MRRF: variants seen among roughly 807,000 people sequenced by gnomAD.
MRRF encodes the protein mitochondrial ribosome recycling factor, also known as ribosome-recycling factor, mitochondrial.
A neutral mutation model predicts 25.1 loss-of-function variants in MRRF; 18 were observed. The observed-to-expected ratio is 0.72, with a 90% CI of 0.50 to 1.06. The LOEUF (loss-of-function observed/expected upper bound fraction) is 1.06. Ranked by LOEUF, MRRF falls within the 50% of genes least tolerant of loss-of-function variation. The pLI, the probability that MRRF is intolerant of heterozygous loss-of-function variation, is 0.00. For missense variants in MRRF, 323 were observed against 319.3 expected, an observed-to-expected ratio of 1.01 and a Z score of -0.09; for synonymous variants, 113 against 112.1, an observed-to-expected ratio of 1.01 and a Z score of -0.05.
chr9:122,304,490 G>A (rs1441185053), intron 5 of MRRF, among the ~76,000 whole-genome samples: 3 of 152,174 alleles, frequency 2.0e-5, no homozygotes, highest in Non-Finnish European at 4.4e-5. Context: ...AGAATCGAAA[G>A]CGTAGGATAG....
intron 1 of MRRF, chr9:122,265,340 C>G (rs1168079171): frequency 5.4e-6 from 1 of 184,884 alleles, no homozygotes; most frequent in African/African-American, 2.4e-5. Context: ...GGCTATCCGA[C>G]TCCTAAGCCT....
intron 3 of MRRF, among the ~76,000 whole-genome samples, chr9:122,283,071 A>C (rs534629455): frequency 4.0e-5 from 6 of 151,168 alleles, no homozygotes; most frequent in African/African-American, 1.5e-4. Context: ...ATTCATAAAA[A>C]CCCCATGAAA....
intron 6 of MRRF, among the ~76,000 whole-genome samples, chr9:122,319,132 CTTCT>C (rs1162757548): frequency 2.7e-4 from 40 of 148,534 alleles, no homozygotes; most frequent in Non-Finnish European, 4.6e-4. Context: ...CACCACTGAA[CTTCT>C]TTCTTTCTTT....
chr9:122,319,997 C>T (rs1835787355), intron 6 of MRRF, among the ~76,000 whole-genome samples: 1 of 150,950 alleles, frequency 6.6e-6, no homozygotes, highest in South Asian at 2.1e-4. Flanking sequence ...ATCTCAGCTT[C>T]CTGAGTAGCC....
intron 5 of MRRF, among the ~76,000 whole-genome samples, chr9:122,306,614 A>G (rs540510452): frequency 9.8e-5 from 15 of 152,294 alleles, no homozygotes; most frequent in Non-Finnish European, 2.1e-4. Context: ...CAGGTACTCA[A>G]CTTGTAAGTG....
At chr9:122,322,447 T>C (rs1564519246) in intron 6 of MRRF, 93 bp from the exon 7 acceptor site, 6 of 1,133,672 alleles carry the variant, frequency 5.3e-6, no homozygotes, top group Non-Finnish European at 7.9e-6. Flanking sequence ...CTATTATTAT[T>C]TCTCACATAA....
At chr9:122,303,093 ACT>A (rs1282209086) in intron 5 of MRRF, among the ~76,000 whole-genome samples, 2 of 152,022 alleles carry the variant, frequency 1.3e-5, no homozygotes, top group Non-Finnish European at 2.9e-5. Context: ...TGGATATTAG[ACT>A]CTTATCAGAT....
At chr9:122,308,149 C>T (rs952793196) in intron 5 of MRRF, among the ~76,000 whole-genome samples, 38 of 152,240 alleles carry the variant, frequency 2.5e-4, no homozygotes, top group Admixed American at 1.0e-3. Context: ...AGCCAAAACC[C>T]CTGCCTTGTG....
In MRRF at chr9:122,285,223, A is replaced by G; in HGVS notation, c.395A>G (p.Gln132Arg). ...VTADGKLALN[Q>R]ISQISMKSPQ... Reference sequence around the variant, plus strand: ...GCTGACGGGAAGCTTGCTTTAAACCAGATTAGCCAGATCTCCATGAAGTCG... The same window carrying G: ...GCTGACGGGAAGCTTGCTTTAAACCGGATTAGCCAGATCTCCATGAAGTCG... Residue 132 changes from glutamine (Q) to arginine (R), a missense_variant, in exon 4 of 7, where the codon CAG (glutamine) becomes CGG (arginine). By Grantham distance (43) the Gln-to-Arg change is conservative (BLOSUM62 1). Transcript: ENST00000344641. 6.2e-7 allele frequency: 1 copy of G among 1,614,066 alleles called. No individual in the cohort carries two copies. The highest frequency in any genetic ancestry group is 1.3e-5 in the African/African-American group (1 of 75,028).
rs1836259939 is a variant in MRRF at position 122,330,632 on chromosome 9, C to T, written c.*8015C>T. 1 of 152,174 alleles carries T rather than the reference C, an allele frequency of 6.6e-6. No homozygotes were observed. Among genetic ancestry groups the T allele is most frequent in the Non-Finnish European group, 1.5e-5 (1 of 68,044 alleles). The allele number at this position is 152,174 out of a possible 1,614,324, so 9.4% of individuals were successfully genotyped here. A position where few individuals can be genotyped will look rare whatever the true frequency, so the allele number is the denominator to read the frequency against. ...CACAGACAGTGGTTAAGTTACATGT[C>T]CAGAGACACACAGAGGGCCTAGTGC... On this transcript the variant is annotated 3_prime_UTR_variant, in exon 7 of 7. Coordinates refer to ENST00000344641, the MANE Select transcript of MRRF (RefSeq NM_138777.5). The surrounding 1 kb of genome is among the most constrained non-coding windows in gnomAD (Gnocchi z 4.2).
chr9:122,315,020 T>A (rs1835424537), intron 6 of MRRF, among the ~76,000 whole-genome samples: 2 of 151,962 alleles, frequency 1.3e-5, no homozygotes, highest in Admixed American at 6.6e-5. Flanking sequence ...CCCCTTCTCC[T>A]CCACCAGCAG....
At position 122,323,534 on chromosome 9, in the gene MRRF, A is replaced by G. The variant is rs142308719; in HGVS notation, c.*917A>G. On this transcript the variant is annotated 3_prime_UTR_variant, in exon 7 of 7. Coordinates refer to ENST00000344641, the MANE Select transcript of MRRF (RefSeq NM_138777.5). ...TTTTCCACTCTTGTACTTGTTCTCA[A>G]CATTTACTTGGTAGTGACATACCTT... is the stretch of plus-strand genomic sequence containing the variant. 3.3e-5 allele frequency: 5 copies of G among 152,178 alleles called. No homozygotes were observed. The highest frequency in any genetic ancestry group is 1.2e-4 in the African/African-American group (5 of 41,430). 9.4% of individuals were successfully genotyped at this position (152,178 alleles called of 1,614,324 possible).
chr9:122,268,903 C>T (rs979545633), intron 1 of MRRF, among the ~76,000 whole-genome samples: 16 of 152,114 alleles, frequency 1.1e-4, no homozygotes, highest in African/African-American at 2.9e-4. Context: ...CGGTGGCTCA[C>T]GCCTGTAATC....
chr9:122,311,662 G>A (rs1835213194), intron 5 of MRRF, among the ~76,000 whole-genome samples: 1 of 151,886 alleles, frequency 6.6e-6, no homozygotes. Flanking sequence ...TAACATTGTA[G>A]TGAAAAGAAA....
intron 5 of MRRF, among the ~76,000 whole-genome samples, chr9:122,297,371 T>C (rs532587736): frequency 2.0e-5 from 3 of 152,288 alleles, no homozygotes; most frequent in Non-Finnish European, 4.4e-5. Context: ...GTACCTTGAT[T>C]TTCTAGATTT....
intron 6 of MRRF, among the ~76,000 whole-genome samples, chr9:122,318,566 G>T (rs1417844480): frequency 6.6e-6 from 1 of 152,232 alleles, no homozygotes; most frequent in Non-Finnish European, 1.5e-5. Context: ...CCTCAGGAAG[G>T]ATGGCTGGTA....
intron 2 of MRRF, among the ~76,000 whole-genome samples, chr9:122,279,328 C>A (rs1240145510): frequency 6.6e-6 from 1 of 152,200 alleles, no homozygotes. Flanking sequence ...GATTTCTCAT[C>A]TGTACCATGG....
chr9:122,321,546 A>G (rs1285063051), intron 6 of MRRF, among the ~76,000 whole-genome samples: 2 of 152,238 alleles, frequency 1.3e-5, no homozygotes, highest in Non-Finnish European at 2.9e-5. Context: ...AAATGGTATG[A>G]ACATTTGCAT....
At chr9:122,301,894 C>G (rs934939460) in intron 5 of MRRF, among the ~76,000 whole-genome samples, 1 of 151,602 alleles carries the variant, frequency 6.6e-6, no homozygotes, top group Non-Finnish European at 1.5e-5. Context: ...CCACCACACC[C>G]GGCTAATTTT....
Sources: gnomAD v4.1 joint callset for allele counts (sites outside exome capture counted in the v4.1 genomes callset) on GRCh38, gnomAD v4.1.1 for gene constraint, Gnocchi (gnomAD v3.1) non-coding constraint, MANE v1.5 for transcripts, NCBI Gene and HGNC (gene_info 2026-07-23, HGNC 2026-07-21) for gene names.